SPON1: variants seen among roughly 807,000 people sequenced by gnomAD.
SPON1 encodes the protein spondin-1.
SPON1 carries 52 observed loss-of-function variants against 111.7 expected under a neutral mutation model. That is an observed-to-expected ratio of 0.47 (90% confidence interval 0.37 to 0.59). The LOEUF is 0.59. Among genes scored for constraint, SPON1 ranks in the 20% least tolerant of loss-of-function variants. The pLI is 0.00. For synonymous variants in SPON1, 410 were observed against 395.8 expected (o/e 1.04, Z -0.43); for missense variants, 957 against 1,068.5 (o/e 0.90, Z 1.46).
intron 6 of SPON1, among the ~76,000 whole-genome samples, chr11:14,162,081 C>G (rs1325391372): frequency 6.6e-6 from 1 of 151,254 alleles, no homozygotes; most frequent in African/African-American, 2.4e-5. Context: ...TCACTTGAAC[C>G]CGGGAGGCAG....
At chr11:14,227,557 G>C (rs1433908038) in intron 6 of SPON1, among the ~76,000 whole-genome samples, 1 of 152,170 alleles carries the variant, frequency 6.6e-6, no homozygotes, top group Non-Finnish European at 1.5e-5. Flanking sequence ...CTTTTTCCAG[G>C]CCAGGCTTGG....
intron 3 of SPON1, among the ~76,000 whole-genome samples, chr11:14,063,916 G>A (rs147228710): frequency 6.6e-6 from 1 of 152,286 alleles, no homozygotes; most frequent in East Asian, 1.9e-4. Flanking sequence ...TATGCAGTGG[G>A]AAATGTTTCA....
chr11:14,252,264 G>A (rs1849060939), intron 7 of SPON1, among the ~76,000 whole-genome samples: 1 of 152,170 alleles, frequency 6.6e-6, no homozygotes, highest in African/African-American at 2.4e-5. Flanking sequence ...GGAGACCTGC[G>A]CAGAGTGGGA....
chr11:14,054,369 T>A (rs1848729089), intron 3 of SPON1, among the ~76,000 whole-genome samples: 1 of 152,190 alleles, frequency 6.6e-6, no homozygotes, highest in African/African-American at 2.4e-5. Flanking sequence ...TAATTTGACT[T>A]TAGCGCTATT....
intron 5 of SPON1, among the ~76,000 whole-genome samples, chr11:14,109,156 C>T (rs907988854): frequency 1.3e-5 from 2 of 152,116 alleles, no homozygotes; most frequent in Non-Finnish European, 2.9e-5. Flanking sequence ...CTCTTTGTGC[C>T]CTTCCAGCTA....
chr11:13,982,872 C>T lies in SPON1; in HGVS notation c.264C>T (p.Ser88=). The change falls in exon 2 of 16, where the codon TCC becomes TCT. Residue 88 remains serine, a synonymous_variant. Transcript: ENST00000576479. ...TAACACTTTCAGCTGCTCCTCCCTC[C>T]TACTTCAGAGGATTCACATTAATTG... ...YRVTLSAAPP[S]YFRGFTLIAL... is the part of the protein sequence containing the mutation. 6.4e-7 allele frequency: 1 copy of T among 1,561,350 alleles called. No homozygotes were observed. The highest frequency in any genetic ancestry group is 8.7e-7 in the Non-Finnish European group (1 of 1,151,628).
At chr11:14,039,608 C>T (rs1848618408) in intron 2 of SPON1, among the ~76,000 whole-genome samples, 1 of 151,792 alleles carries the variant, frequency 6.6e-6, no homozygotes, top group Non-Finnish European at 1.5e-5. Context: ...GGATTGAAGA[C>T]CTAAATGTGA....
chr11:14,244,892 C>T (rs1390960270), intron 7 of SPON1, among the ~76,000 whole-genome samples: 4 of 152,176 alleles, frequency 2.6e-5, no homozygotes, highest in Non-Finnish European at 5.9e-5. Flanking sequence ...CATCTCTTGT[C>T]CTCCCCATGC....
At chr11:14,221,840 G>A (rs528980076) in intron 6 of SPON1, among the ~76,000 whole-genome samples, 4 of 152,256 alleles carry the variant, frequency 2.6e-5, no homozygotes, top group East Asian at 3.9e-4. Context: ...CATTAGAACC[G>A]TGATCCTGTG....
chr11:14,096,492 C>T (rs1280629340), intron 5 of SPON1, among the ~76,000 whole-genome samples: 2 of 152,202 alleles, frequency 1.3e-5, no homozygotes, highest in Admixed American at 6.5e-5. Flanking sequence ...CCTCTGCATT[C>T]CAGCTGGATT....
intron 6 of SPON1, among the ~76,000 whole-genome samples, chr11:14,218,242 A>G (rs1361609598): frequency 6.6e-6 from 1 of 152,082 alleles, no homozygotes; most frequent in African/African-American, 2.4e-5. Context: ...GAAAACCCAA[A>G]TATCATACCT....
intron 6 of SPON1, among the ~76,000 whole-genome samples, chr11:14,200,996 C>G (rs1554935561): frequency 6.6e-6 from 1 of 151,880 alleles, no homozygotes; most frequent in East Asian, 1.9e-4. Context: ...TGGCAAGTTA[C>G]CTACCTCTCT....
intron 2 of SPON1, among the ~76,000 whole-genome samples, chr11:14,036,711 C>A (rs1366225416): frequency 1.3e-5 from 2 of 151,744 alleles, no homozygotes; most frequent in African/African-American, 2.4e-5. Context: ...AGAATCAAGT[C>A]AGAACAGGAG....
At chr11:14,239,930 C>T (rs554328073) in intron 6 of SPON1, among the ~76,000 whole-genome samples, 6 of 152,260 alleles carry the variant, frequency 3.9e-5, no homozygotes, top group African/African-American at 1.4e-4. Flanking sequence ...TTAGTACAGA[C>T]ATTTGGAGGG....
intron 14 of SPON1, 125 bp downstream of exon 14, chr11:14,260,877 T>G: frequency 8.9e-7 from 1 of 1,120,708 alleles, no homozygotes; most frequent in East Asian, 2.6e-5. Flanking sequence ...GAGTTTGGGG[T>G]TTGGCTTTCA....
At chr11:14,141,452 A>G (rs1421522882) in intron 6 of SPON1, among the ~76,000 whole-genome samples, 1 of 152,194 alleles carries the variant, frequency 6.6e-6, no homozygotes, top group Non-Finnish European at 1.5e-5. Flanking sequence ...CATTAGAAAA[A>G]TCATTCCAAC....
rs1847576886 is a variant in SPON1 at position 14,135,208 on chromosome 11, A to G, written c.677-212A>G. 2.1e-6 allele frequency: 1 copy of G among 475,850 alleles called. No homozygotes were observed. Among genetic ancestry groups the G allele is most frequent in the Non-Finnish European group, 3.7e-6 (1 of 269,930 alleles). 29.5% of individuals were successfully genotyped at this position (475,850 alleles called of 1,614,324 possible). ...CTGGGCTGCCTCTGCGTCTTGTTCA[A>G]CATCTGCTGTTGACCTGTCTGTACA... On this transcript the variant is annotated intron_variant, in intron 5 of 15. Transcript: ENST00000576479. The surrounding 1 kb of genome is among the most constrained non-coding windows in gnomAD (Gnocchi z 4.4).
intron 1 of SPON1, among the ~76,000 whole-genome samples, chr11:13,982,296 G>T (rs756269191): frequency 3.9e-5 from 6 of 152,096 alleles, no homozygotes; most frequent in Non-Finnish European, 8.8e-5. Flanking sequence ...TCTGCAGGGG[G>T]CTACTGTATA....
At position 14,259,726 on chromosome 11, in the gene SPON1, G is replaced by A. The variant is rs782470529; in HGVS notation, c.1831+25G>A. On this transcript the variant is annotated intron_variant, in intron 13 of 15. Transcript: ENST00000576479. The surrounding 1 kb of genome is among the most constrained non-coding windows in gnomAD (Gnocchi z 5.0). ...CGTGAGTGAGAGCGGGGGTGGACTT[G>A]GAGGAGGCCACTGGGGACAGGCGTG... is the stretch of plus-strand genomic sequence containing the variant. The A allele has an allele frequency of 6.4e-7, 1 of 1,560,074 alleles. No individual in the cohort carries two copies. The highest frequency in any genetic ancestry group is 8.7e-7 in the Non-Finnish European group (1 of 1,152,070).
Sources: allele counts gnomAD v4.1 joint callset (sites outside exome capture counted in the v4.1 genomes callset), GRCh38; gene constraint gnomAD v4.1.1; non-coding constraint Gnocchi (gnomAD v3.1); transcripts MANE v1.5; gene names NCBI Gene and HGNC (gene_info 2026-07-23, HGNC 2026-07-21).